COLEC12: variants seen among roughly 807,000 people sequenced by gnomAD.
COLEC12 encodes the protein collectin subfamily member 12, also known as collectin-12.
In COLEC12, 33 loss-of-function variants were observed where a neutral mutation model predicts 71.1. The observed-to-expected ratio is 0.46, with a 90% CI of 0.35 to 0.62. The LOEUF is 0.62. Among genes scored for constraint, COLEC12 ranks in the 20% least tolerant of loss-of-function variants. The pLI, the probability that COLEC12 is intolerant of heterozygous loss-of-function variation, is 0.00. For missense variants in COLEC12, 765 were observed against 916.1 expected, an observed-to-expected ratio of 0.84 and a Z score of 2.13; for synonymous variants, 350 against 353.0, an observed-to-expected ratio of 0.99 and a Z score of 0.10.
chr18:320,055 G>A lies in COLEC12; in HGVS notation c.2219C>T (p.Ser740Phe). 1 of 1,555,822 alleles carries A rather than the reference G, an allele frequency of 6.4e-7. No homozygotes were observed. The highest frequency in any genetic ancestry group is 8.8e-7 in the Non-Finnish European group (1 of 1,139,236). The change falls in exon 10 of 10, where the codon TCT becomes TTT. Residue 740 changes from serine to phenylalanine, a missense_variant. By Grantham distance (155) the Ser-to-Phe change is radical. Transcript: ENST00000400256. Reference protein sequence around the residue: ...CEKDRETVLSSAL With the variant: ...CEKDRETVLSFAL ...TCCCATCACAGTCCGTTATAATGCAGATGACAGTACTAAAAGAGAGAAATA... is the reference window on the plus strand; with the variant it reads ...TCCCATCACAGTCCGTTATAATGCAAATGACAGTACTAAAAGAGAGAAATA...
At chr18:459,667 A>C (rs1331073071) in intron 2 of COLEC12, among the ~76,000 whole-genome samples, 1 of 152,218 alleles carries the variant, frequency 6.6e-6, no homozygotes, top group Non-Finnish European at 1.5e-5. Context: ...GCCTGTGTCT[A>C]ACCCTTCTGC....
At chr18:426,443 T>C (rs1916201251) in intron 2 of COLEC12, among the ~76,000 whole-genome samples, 1 of 152,186 alleles carries the variant, frequency 6.6e-6, no homozygotes, top group Non-Finnish European at 1.5e-5. Context: ...TTTTTACTCA[T>C]AGACATGAGT....
chr18:374,398 G>T (rs1915067503), intron 2 of COLEC12, among the ~76,000 whole-genome samples: 1 of 152,088 alleles, frequency 6.6e-6, no homozygotes, highest in African/African-American at 2.4e-5. Context: ...AGTGTTGAAA[G>T]TATGACCTGC....
intron 2 of COLEC12, among the ~76,000 whole-genome samples, chr18:440,378 TACACACACACAC>T (rs142637035): frequency 1.6e-5 from 2 of 121,336 alleles, no homozygotes; most frequent in Non-Finnish European, 3.7e-5. Flanking sequence ...CACACACACA[TACACACACACAC>T]ACACACACAC....
At position 423,547 on chromosome 18, in the gene COLEC12, T is replaced by A. The variant is rs144653344; in HGVS notation, c.58+57160A>T. On this transcript the variant is annotated intron_variant, in intron 2 of 9. Coordinates refer to ENST00000400256, the MANE Select transcript of COLEC12 (RefSeq NM_130386.3). ...GATGATAGTTGTTCAAATACTAGCCTTCCCAGTATCAGTGAATGCCTTCCT... is the reference window on the plus strand; with the variant it reads ...GATGATAGTTGTTCAAATACTAGCCATCCCAGTATCAGTGAATGCCTTCCT... Among the ~76,000 whole-genome samples the A allele has an allele frequency of 9.2e-3, 1,398 of 152,278 alleles. 13 individuals carry two copies. The highest frequency in any genetic ancestry group is 0.014 in the Non-Finnish European group (926 of 68,024).
chr18:402,746 A>C (rs1915713032), intron 2 of COLEC12, among the ~76,000 whole-genome samples: 1 of 136,670 alleles, frequency 7.3e-6, no homozygotes, highest in Non-Finnish European at 1.6e-5. Context: ...TTGGTGGGTC[A>C]GCAGGAGTGT....
chr18:476,902 C>T (rs1392354252), intron 2 of COLEC12, among the ~76,000 whole-genome samples: 1 of 152,190 alleles, frequency 6.6e-6, no homozygotes, highest in Non-Finnish European at 1.5e-5. Flanking sequence ...ACCCTCAAAG[C>T]CTGATTAAAG....
intron 2 of COLEC12, among the ~76,000 whole-genome samples, chr18:435,376 G>A (rs1027587922): frequency 1.3e-5 from 2 of 152,212 alleles, no homozygotes; most frequent in African/African-American, 4.8e-5. Context: ...AAAGGTGGCA[G>A]GATGGAGTGA....
chr18:456,744 T>C (rs1182029566), intron 2 of COLEC12, among the ~76,000 whole-genome samples: 1 of 152,240 alleles, frequency 6.6e-6, no homozygotes, highest in African/African-American at 2.4e-5. Context: ...GACTGAGCTG[T>C]GGACCGCAAG....
chr18:352,354 G>C (rs144748011), intron 3 of COLEC12, among the ~76,000 whole-genome samples: 255 of 152,142 alleles, frequency 1.7e-3, no homozygotes, highest in African/African-American at 6.0e-3. Flanking sequence ...TTCTTTCCTG[G>C]AAGCCAAAGA....
chr18:358,601 C>A (rs541046970), intron 2 of COLEC12, among the ~76,000 whole-genome samples: 13 of 152,278 alleles, frequency 8.5e-5, no homozygotes, highest in African/African-American at 2.9e-4. Flanking sequence ...GGTGGTCATG[C>A]AAGTGATGGG....
intron 9 of COLEC12, among the ~76,000 whole-genome samples, chr18:321,094 T>G (rs1913693340): frequency 6.6e-6 from 1 of 152,174 alleles, no homozygotes; most frequent in South Asian, 2.1e-4. Flanking sequence ...CGCTGTTGTT[T>G]CCCAGGCTGG....
At position 347,186 on chromosome 18, in the gene COLEC12, G is replaced by A; in HGVS notation, c.436C>T (p.Leu146=). 6.2e-7 allele frequency: 1 copy of A among 1,614,184 alleles called. No homozygotes were observed. Among genetic ancestry groups the A allele is most frequent in the Non-Finnish European group, 8.5e-7 (1 of 1,180,042 alleles). The stretch of plus-strand genomic sequence containing the variant: ...TTCAATTGACTCTGCCTGTCCACCA[G>A]AGCATCCCCGCTCGCCTGTAACTTC... The part of the protein sequence containing the change: ...LEKLQASGDA[L]VDRQSQLKET... Residue 146 remains leucine (L), a synonymous_variant, in exon 5 of 10, where the codon CTG becomes TTG. Coordinates refer to ENST00000400256, the MANE Select transcript of COLEC12 (RefSeq NM_130386.3).
At chr18:353,907 T>A (rs116874051) in intron 3 of COLEC12, among the ~76,000 whole-genome samples, 25 of 152,324 alleles carry the variant, frequency 1.6e-4, no homozygotes, top group Non-Finnish European at 3.1e-4. Flanking sequence ...TGTGATTTGA[T>A]GTGTATTTTG....
chr18:404,408 G>A (rs1915745340), intron 2 of COLEC12, among the ~76,000 whole-genome samples: 1 of 152,188 alleles, frequency 6.6e-6, no homozygotes, highest in African/African-American at 2.4e-5. Context: ...AATTTATGGG[G>A]AACTAGCTTA....
intron 2 of COLEC12, among the ~76,000 whole-genome samples, chr18:407,725 G>A (rs112152505): frequency 1.3e-5 from 2 of 152,166 alleles, no homozygotes; most frequent in Admixed American, 1.3e-4. Flanking sequence ...ATGTGTGACC[G>A]AATGCCTAGG....
At chr18:398,673 G>A (rs1017801835) in intron 2 of COLEC12, among the ~76,000 whole-genome samples, 12 of 152,220 alleles carry the variant, frequency 7.9e-5, no homozygotes, top group Non-Finnish European at 2.9e-5. Flanking sequence ...AGAATTAGAA[G>A]AGTCTGCTTA....
intron 2 of COLEC12, among the ~76,000 whole-genome samples, chr18:425,863 CTCT>C (rs1364160454): frequency 6.6e-6 from 1 of 152,186 alleles, no homozygotes; most frequent in Admixed American, 6.5e-5. Flanking sequence ...CCACAGCCTC[CTCT>C]TCTTAAAGAA....
At chr18:405,911 C>G (rs11874210) in intron 2 of COLEC12, among the ~76,000 whole-genome samples, 1 of 152,042 alleles carries the variant, frequency 6.6e-6, no homozygotes, top group African/African-American at 2.4e-5. Flanking sequence ...CTGAGACCTA[C>G]TGGGCTGCAT....
Sources: gnomAD v4.1 joint callset for allele counts (sites outside exome capture counted in the v4.1 genomes callset) on GRCh38, gnomAD v4.1.1 for gene constraint, MANE v1.5 for transcripts, NCBI Gene and HGNC (gene_info 2026-07-23, HGNC 2026-07-21) for gene names.